The following PEAK1 variants were observed in gnomAD, a reference collection of about 807,000 sequenced individuals.
PEAK1 encodes pseudopodium enriched atypical kinase 1, also known as inactive tyrosine-protein kinase PEAK1.
In PEAK1, 54 loss-of-function variants were observed where a neutral mutation model predicts 124.7. That is an observed-to-expected ratio of 0.43 (90% CI 0.35 to 0.54). The LOEUF (loss-of-function observed/expected upper bound fraction) is 0.54. PEAK1 is among the 20% of genes least tolerant of loss of function. PEAK1 has a pLI of 0.01. For missense variants in PEAK1, 2,046 were observed against 2,134.5 expected, an observed-to-expected ratio of 0.96 and a Z score of 0.82; for synonymous variants, 719 against 760.0, an observed-to-expected ratio of 0.95 and a Z score of 0.89.
In PEAK1 at chr15:77,181,234, G is replaced by C. The variant is rs1390136358; in HGVS notation, c.693C>G (p.Ser231=). 1 of 1,613,828 alleles carries C rather than the reference G, an allele frequency of 6.2e-7. No individual in the cohort carries two copies. The highest frequency in any genetic ancestry group is 1.1e-5 in the South Asian group (1 of 91,062). The change falls in exon 7 of 10, where the codon TCC becomes TCG. Residue 231 remains serine, a synonymous_variant. Transcript: ENST00000682557. ...CATCCTCTTCACTCTCCTCGCCACT[G>C]GAAAACTCTGGGTAACAGAACCGGC... is the stretch of plus-strand genomic sequence containing the variant. ...EGGRFCYPEF[S]SGEESEEDVL... is the part of the protein sequence containing the mutation.
chr15:77,173,172 T>C (rs1460118079), intron 7 of PEAK1, among the ~76,000 whole-genome samples: 1 of 152,186 alleles, frequency 6.6e-6, no homozygotes, highest in African/African-American at 2.4e-5. Flanking sequence ...TTAACCACTG[T>C]TGTTTATGCA....
chr15:77,108,966 A>C lies in PEAK1; in HGVS notation c.*5190T>G, dbSNP rs1233016585. 1 of 152,156 alleles carries C rather than the reference A, an allele frequency of 6.6e-6. No homozygotes were observed. The highest frequency in any genetic ancestry group is 1.5e-5 in the Non-Finnish European group (1 of 68,026). The allele number at this position is 152,156 out of a possible 1,614,324, so 9.4% of individuals were successfully genotyped here. ...AAAGCTTCTAGCAGTGGTTGATGCA[A>C]AAATCTATTCTAATTTTAAACAGTT... On this transcript the variant is annotated 3_prime_UTR_variant, in exon 10 of 10. Transcript: ENST00000682557.
intron 8 of PEAK1, among the ~76,000 whole-genome samples, chr15:77,144,006 C>T (rs1294341633): frequency 2.0e-5 from 3 of 152,172 alleles, no homozygotes; most frequent in African/African-American, 4.8e-5. Flanking sequence ...TTAGAAGAAA[C>T]AAAAATAATC....
At chr15:77,106,336 C>A (rs1009450268), downstream of PEAK1, 1 of 147,952 alleles carries the variant, frequency 6.8e-6, no homozygotes, top group Non-Finnish European at 1.5e-5. Context: ...TGTAAGTGTG[C>A]ATTCATCTAA....
intron 5 of PEAK1, among the ~76,000 whole-genome samples, chr15:77,275,737 A>T (rs1015920149): frequency 2.0e-5 from 3 of 151,766 alleles, no homozygotes; most frequent in African/African-American, 4.8e-5. Context: ...TAAAATAAAA[A>T]AATTTAAAAA....
chr15:77,331,925 C>T (rs1277246213), intron 2 of PEAK1, among the ~76,000 whole-genome samples: 2 of 151,670 alleles, frequency 1.3e-5, no homozygotes, highest in Non-Finnish European at 2.9e-5. Flanking sequence ...ACTCTGAATG[C>T]TTTTAATACA....
chr15:77,382,383 G>A (rs1056471433), intron 1 of PEAK1, among the ~76,000 whole-genome samples: 1 of 152,152 alleles, frequency 6.6e-6, no homozygotes, highest in Non-Finnish European at 1.5e-5. Context: ...CTTTAACGTT[G>A]TCTAATACTT....
intron 2 of PEAK1, chr15:77,350,016 A>G: frequency 2.0e-6 from 2 of 985,094 alleles, no homozygotes; most frequent in Non-Finnish European, 2.4e-6. Context: ...TAAGAAGAAG[A>G]CATAGAACAG....
intron 2 of PEAK1, among the ~76,000 whole-genome samples, chr15:77,351,510 C>T (rs1370261054): frequency 1.3e-5 from 2 of 152,160 alleles, no homozygotes; most frequent in African/African-American, 4.8e-5. Flanking sequence ...TTTACCTCAT[C>T]CTCTTCATTT....
chr15:77,325,826 C>T (rs964376310), intron 2 of PEAK1, among the ~76,000 whole-genome samples: 7 of 152,036 alleles, frequency 4.6e-5, no homozygotes, highest in South Asian at 2.1e-4. Context: ...GACTAAGATT[C>T]TTTGATATGA....
intron 2 of PEAK1, among the ~76,000 whole-genome samples, chr15:77,312,753 T>C (rs1461579648): frequency 6.6e-6 from 1 of 152,228 alleles, no homozygotes; most frequent in East Asian, 1.9e-4. Context: ...GGCCTAAAAA[T>C]ATCTCCCATA....
chr15:77,281,229 G>T (rs1381751243), intron 5 of PEAK1, among the ~76,000 whole-genome samples: 1 of 152,132 alleles, frequency 6.6e-6, no homozygotes, highest in Non-Finnish European at 1.5e-5. Flanking sequence ...AAAAAAGTAT[G>T]TGAACTGCCA....
chr15:77,400,163 C>T (rs1244787043), intron 1 of PEAK1, among the ~76,000 whole-genome samples: 3 of 151,944 alleles, frequency 2.0e-5, no homozygotes, highest in Non-Finnish European at 4.4e-5. Flanking sequence ...TAATAACTGC[C>T]GGCAAGAATG....
intron 6 of PEAK1, among the ~76,000 whole-genome samples, chr15:77,202,533 G>A (rs894239507): frequency 3.3e-5 from 5 of 152,060 alleles, no homozygotes; most frequent in South Asian, 2.1e-4. Context: ...TTGGGAATCC[G>A]AGGTGGGCGG....
intron 1 of PEAK1, among the ~76,000 whole-genome samples, chr15:77,386,280 T>G (rs144608897): frequency 1.1e-4 from 16 of 152,320 alleles, no homozygotes; most frequent in Non-Finnish European, 2.2e-4. Flanking sequence ...CCTCTTATAC[T>G]GAAGTTATTA....
rs2050813035 is a variant in PEAK1, at chr15:77,108,660, T to A, written c.*5496A>T. The stretch of plus-strand genomic sequence containing the variant: ...GTTATCATGAGTGCGGACACACACA[T>A]ACTATCCACACACTAACGGGCAAAG... On this transcript the variant is annotated 3_prime_UTR_variant, in exon 10 of 10. Transcript: ENST00000682557. 1.3e-5 allele frequency: 2 copies of A among 152,222 alleles called. No homozygotes were observed. Among genetic ancestry groups the A allele is most frequent in the Admixed American group, 6.5e-5 (1 of 15,286 alleles). 9.4% of individuals were successfully genotyped at this position (152,222 alleles called of 1,614,324 possible).
chr15:77,187,948 C>A (rs2057631931), intron 6 of PEAK1, among the ~76,000 whole-genome samples: 1 of 152,154 alleles, frequency 6.6e-6, no homozygotes, highest in Non-Finnish European at 1.5e-5. Flanking sequence ...CCCAACCTTT[C>A]CTTCTTCCAC....
At chr15:77,337,358 T>C (rs2066266663) in intron 2 of PEAK1, 2 of 955,506 alleles carry the variant, frequency 2.1e-6, no homozygotes, top group Non-Finnish European at 2.5e-6. Context: ...AGTGAATATT[T>C]ATTTTAAAAA....
chr15:77,207,299 T>C lies in PEAK1; in HGVS notation c.-114-25259A>G, dbSNP rs528317877. Among the ~76,000 whole-genome samples the C allele has an allele frequency of 2.3e-4, 35 of 152,318 alleles. 1 individual carries two copies. The South Asian group carries it at 6.4e-3, about 28-fold the overall frequency. On this transcript the variant is annotated intron_variant, in intron 6 of 9. Transcript: ENST00000682557. ...GCAACACATAAGCTTTTTAGATTCT[T>C]GGTACGTATGTTAAGAATTGTGTAC... is the stretch of plus-strand genomic sequence containing the variant.
Sources: gnomAD v4.1 joint callset for allele counts (sites outside exome capture counted in the v4.1 genomes callset) on GRCh38, gnomAD v4.1.1 for gene constraint, MANE v1.5 for transcripts, NCBI Gene and HGNC (gene_info 2026-07-23, HGNC 2026-07-21) for gene names.